Variants in CCDC34 observed in about 807,000 individuals in gnomAD.
CCDC34 encodes coiled-coil domain-containing protein 34.
CCDC34 carries 40 observed loss-of-function variants against 44.1 expected under a neutral mutation model. The ratio of observed to expected loss-of-function variants is 0.91; its 90% CI spans 0.70 to 1.18. CCDC34 has a LOEUF of 1.18. Ranked by LOEUF, CCDC34 falls within the 50% of genes most tolerant of loss-of-function variation. The pLI is 0.00. For synonymous variants in CCDC34, 159 were observed against 158.2 expected, an observed-to-expected ratio of 1.01 and a Z score of -0.04; for missense variants, 466 against 452.3, an observed-to-expected ratio of 1.03 and a Z score of -0.28.
intron 3 of CCDC34, among the ~76,000 whole-genome samples, chr11:27,346,034 C>T (rs1161128862): frequency 6.6e-6 from 1 of 151,810 alleles, no homozygotes; most frequent in Non-Finnish European, 1.5e-5. Flanking sequence ...CTCTGATGGC[C>T]ATTTCTTAAA....
rs187468584 is a variant in CCDC34, at chr11:27,355,088, A to C, written c.498+2315T>G. Among the ~76,000 whole-genome samples the C allele has an allele frequency of 1.5e-3, 229 of 152,296 alleles. 3 individuals are homozygous for C. Among genetic ancestry groups the C allele is most frequent in the South Asian group, 0.012 (58 of 4,826 alleles). ...ATTAACTTCTCTCTGTACACTGACTAAAAATGACTGGAAGTGACCCTCCTT... is the reference window on the plus strand; with the variant it reads ...ATTAACTTCTCTCTGTACACTGACTCAAAATGACTGGAAGTGACCCTCCTT... On this transcript the variant is annotated intron_variant, in intron 2 of 5. Coordinates refer to ENST00000328697, the MANE Select transcript of CCDC34 (RefSeq NM_030771.2).
chr11:27,359,440 T>C (rs1452987721), intron 1 of CCDC34, among the ~76,000 whole-genome samples: 1 of 152,200 alleles, frequency 6.6e-6, no homozygotes, highest in Non-Finnish European at 1.5e-5. Flanking sequence ...TAAAACAGCC[T>C]GGGGTGAAAT....
intron 1 of CCDC34, among the ~76,000 whole-genome samples, chr11:27,361,773 A>G (rs1423951960): frequency 6.6e-6 from 1 of 152,208 alleles, no homozygotes; most frequent in African/African-American, 2.4e-5. Context: ...GAATCTTGCT[A>G]TTTACACATA....
intron 3 of CCDC34, among the ~76,000 whole-genome samples, chr11:27,342,565 C>T (rs1031391168): frequency 6.6e-6 from 1 of 151,986 alleles, no homozygotes. Context: ...CAAAGGGTGG[C>T]AAACTAAGCA....
At chr11:27,358,958 A>AGGG (rs1862618018) in intron 1 of CCDC34, among the ~76,000 whole-genome samples, 1 of 88,242 alleles carries the variant, frequency 1.1e-5, no homozygotes, top group African/African-American at 4.1e-5. Flanking sequence ...CAACATGTGG[A>AGGG]CCCCCCCCCC....
chr11:27,360,815 C>T (rs917831131), intron 1 of CCDC34, among the ~76,000 whole-genome samples: 1 of 152,172 alleles, frequency 6.6e-6, no homozygotes, highest in Non-Finnish European at 1.5e-5. Context: ...TTTTATAACA[C>T]AAAGTGCTGA....
Position 27,363,177 on chromosome 11 carries a change from G to A in CCDC34, c.18C>T (p.Arg6=), listed in dbSNP as rs1257108503. The A allele has an allele frequency of 2.0e-6, 3 of 1,487,286 alleles. No homozygotes were observed. Among genetic ancestry groups the A allele is most frequent in the Middle Eastern group, 3.6e-4 (2 of 5,552 alleles). The allele number at this position is 1,487,286 out of a possible 1,614,324, so 92.1% of individuals were successfully genotyped here. Residue 6 remains arginine (R), a synonymous_variant, in exon 1 of 6, where the codon CGC becomes CGT. Transcript: ENST00000328697. The part of the protein sequence containing the change: MWAAG[R]WGPTFPSSYA... ...AGGAAGAGGGAAAAGTAGGCCCCCA[G>A]CGCCCCGCCGCCCACATCTGGCCCG...
At position 27,363,213 on chromosome 11, in the gene CCDC34, A is replaced by C. The variant is rs1764378035; in HGVS notation, c.-19T>G. ...CCCACATCTGGCCCGCCAAGTTCAA[A>C]CTGGCGGAGCCGCGGCGGGGACGCG... On this transcript the variant is annotated 5_prime_UTR_variant, in exon 1 of 6. Coordinates refer to ENST00000328697, the MANE Select transcript of CCDC34 (RefSeq NM_030771.2). 1.4e-6 allele frequency: 2 copies of C among 1,444,650 alleles called. No individual in the cohort carries two copies. Among genetic ancestry groups the C allele is most frequent in the Non-Finnish European group, 1.8e-6 (2 of 1,105,576 alleles). 89.5% of individuals were successfully genotyped at this position (1,444,650 alleles called of 1,614,324 possible). A position where few individuals can be genotyped will look rare whatever the true frequency, so the allele number is the denominator to read the frequency against.
At position 27,340,680 on chromosome 11, in the gene CCDC34, C is replaced by A; in HGVS notation, c.907+16G>T. 6.3e-7 allele frequency: 1 copy of A among 1,599,012 alleles called. No homozygotes were observed. Among genetic ancestry groups the A allele is most frequent in the Non-Finnish European group, 8.5e-7 (1 of 1,173,888 alleles). ...GCAAACCATATTTATGTAAGCCACA[C>A]AACATAAAAACCAACCTGTAAGTTT... On this transcript the variant is annotated intron_variant, in intron 5 of 5. Transcript: ENST00000328697.
chr11:27,339,744 C>T (rs1862326818), intron 5 of CCDC34, among the ~76,000 whole-genome samples: 1 of 152,164 alleles, frequency 6.6e-6, no homozygotes, highest in Non-Finnish European at 1.5e-5. Context: ...AACTTAAGTA[C>T]AGCATTTGCA....
chr11:27,351,890 G>A (rs553201743), intron 2 of CCDC34, among the ~76,000 whole-genome samples: 20 of 152,248 alleles, frequency 1.3e-4, no homozygotes, highest in African/African-American at 3.6e-4. Context: ...AAATTTGAGC[G>A]TGGTACTAGG....
Position 27,339,080 on chromosome 11 carries a change from T to C in CCDC34, c.908-45A>G. ...AGATCAAAACAAGGAAAAACTTTCTTGACATCAAAGAAGCCACTTAAAACT... is the reference window on the plus strand; with the variant it reads ...AGATCAAAACAAGGAAAAACTTTCTCGACATCAAAGAAGCCACTTAAAACT... On this transcript the variant is annotated intron_variant, in intron 5 of 5. Transcript: ENST00000328697. 2 of 1,440,430 alleles carry C rather than the reference T, an allele frequency of 1.4e-6. 1 individual carries two copies. Among genetic ancestry groups the C allele is most frequent in the African/African-American group, 2.9e-5 (2 of 69,944 alleles). The allele number at this position is 1,440,430 out of a possible 1,614,324, so 89.2% of individuals were successfully genotyped here.
rs1338038422 is a variant in CCDC34, at chr11:27,350,101, G to A, written c.606+231C>T. The A allele has an allele frequency of 5.1e-6, 7 of 1,381,452 alleles. No individual in the cohort carries two copies. In the Admixed American group the frequency reaches 1.0e-4, roughly 20 times the overall value. 85.6% of individuals were successfully genotyped at this position (1,381,452 alleles called of 1,614,324 possible). Reference sequence around the variant, plus strand: ...GCCTAGAAATACAGACTTGGTGACTGCCTGCAGGCAAATATTAGTGCAAGC... The same window carrying A: ...GCCTAGAAATACAGACTTGGTGACTACCTGCAGGCAAATATTAGTGCAAGC... On this transcript the variant is annotated intron_variant, in intron 3 of 5. Coordinates refer to ENST00000328697, the MANE Select transcript of CCDC34 (RefSeq NM_030771.2).
At position 27,338,970 on chromosome 11, in the gene CCDC34, G is replaced by A; in HGVS notation, c.973C>T (p.His325Tyr). Residue 325 changes from histidine to tyrosine, a missense_variant, in exon 6 of 6, where the codon CAT becomes TAT. Physicochemically the swap from His to Tyr is moderately conservative, Grantham distance 83. Transcript: ENST00000328697. ...TTAGCTTCTTTGGGAGGTGGCATAT[G>A]AATTGGTTTCCACGGAATTGGATTA... ...FYNPIPWKPI[H>Y]MPPPKEAKDL... 6.2e-7 allele frequency: 1 copy of A among 1,613,842 alleles called. No individual in the cohort carries two copies. The highest frequency in any genetic ancestry group is 8.5e-7 in the Non-Finnish European group (1 of 1,179,902).
At chr11:27,349,121 T>G (rs570776566) in intron 3 of CCDC34, 12 of 984,200 alleles carry the variant, frequency 1.2e-5, no homozygotes, top group Non-Finnish European at 1.4e-5. Flanking sequence ...TTAATGGAGT[T>G]AGAAGATAAG....
intron 3 of CCDC34, among the ~76,000 whole-genome samples, chr11:27,347,271 A>G (rs751537887): frequency 1.3e-5 from 2 of 152,248 alleles, no homozygotes; most frequent in Non-Finnish European, 2.9e-5. Flanking sequence ...GTGGAGATGT[A>G]AAATGGTACA....
chr11:27,356,599 C>A (rs1302395760), intron 2 of CCDC34, among the ~76,000 whole-genome samples: 1 of 151,332 alleles, frequency 6.6e-6, no homozygotes, highest in Non-Finnish European at 1.5e-5. Flanking sequence ...TTAGGGGATG[C>A]CAAATTATCC....
rs34146389 is a variant in CCDC34, at chr11:27,356,008, A to ATTTTTTTTTTTT, written c.498+1383_498+1394dup. Among the ~76,000 whole-genome samples, 20 of 69,510 alleles carry ATTTTTTTTTTTT rather than the reference A, an allele frequency of 2.9e-4. 1 individual carries two copies. The highest frequency in any genetic ancestry group is 7.2e-4 in the African/African-American group (13 of 18,110). 45.6% of individuals were successfully genotyped at this position (69,510 alleles called of 152,430 possible). A position where few individuals can be genotyped will look rare whatever the true frequency, so the allele number is the denominator to read the frequency against. ...AGATCATGAAGCTTTTGTTCCCAGG[A>ATTTTTTTTTTTT]TTTTTTTTTTTTTTTTTTTTTTTTT... On this transcript the variant is annotated intron_variant, in intron 2 of 5. Transcript: ENST00000328697.
intron 4 of CCDC34, 47 bp from the exon 5 acceptor site, chr11:27,340,884 T>C: frequency 1.3e-6 from 2 of 1,563,572 alleles, no homozygotes; most frequent in Non-Finnish European, 1.7e-6. Context: ...TCTGTAACTA[T>C]ACATTCCATT....
Sources: gnomAD v4.1 joint callset for allele counts (sites outside exome capture counted in the v4.1 genomes callset) on GRCh38, gnomAD v4.1.1 for gene constraint, MANE v1.5 for transcripts, NCBI Gene and HGNC (gene_info 2026-07-23, HGNC 2026-07-21) for gene names.